The following CACNA2D3 variants were observed in gnomAD, a reference collection of about 807,000 sequenced individuals.
CACNA2D3 encodes the protein voltage-dependent calcium channel subunit alpha-2/delta-3.
In CACNA2D3, 60 loss-of-function variants were observed where a neutral mutation model predicts 160.6. That is an observed-to-expected ratio of 0.37 (90% confidence interval 0.30 to 0.46). The LOEUF (loss-of-function observed/expected upper bound fraction) is 0.46, where lower values mean the gene tolerates loss of function less well. Among genes scored for constraint, CACNA2D3 ranks in the 20% least tolerant of loss-of-function variants. The pLI, the probability that CACNA2D3 is intolerant of heterozygous loss-of-function variation, is 1.00. For missense variants in CACNA2D3, 1,205 were observed against 1,365.0 expected (o/e 0.88, Z 1.85); for synonymous variants, 558 against 492.9 (o/e 1.13, Z -1.75).
chr3:54,321,922 CAAAAA>C (rs1214395409), intron 3 of CACNA2D3, among the ~76,000 whole-genome samples: 10 of 100,688 alleles, frequency 9.9e-5, no homozygotes, highest in Non-Finnish European at 1.8e-4. Context: ...GAAATCCTTG[CAAAAA>C]AAAAAAAAAA....
chr3:54,786,906 C>T (rs1372388658), intron 13 of CACNA2D3, among the ~76,000 whole-genome samples: 2 of 152,150 alleles, frequency 1.3e-5, no homozygotes, highest in South Asian at 2.1e-4. Context: ...GTGAATGAGT[C>T]CATGAATGTA....
chr3:54,575,091 T>C (rs1702559718), intron 8 of CACNA2D3, among the ~76,000 whole-genome samples: 1 of 152,252 alleles, frequency 6.6e-6, no homozygotes, highest in Non-Finnish European at 1.5e-5. Context: ...AAGATGCTTT[T>C]GTAATGCAAA....
At chr3:54,881,333 TTG>T (rs1699791206) in intron 21 of CACNA2D3, among the ~76,000 whole-genome samples, 1 of 152,156 alleles carries the variant, frequency 6.6e-6, no homozygotes, top group South Asian at 2.1e-4. Context: ...CGTATTTCAC[TTG>T]TGTTTCATGG....
At chr3:54,208,684 G>T (rs1317960610) in intron 2 of CACNA2D3, among the ~76,000 whole-genome samples, 1 of 152,020 alleles carries the variant, frequency 6.6e-6, no homozygotes, top group Non-Finnish European at 1.5e-5. Context: ...ATCCAGTTCT[G>T]GTCTATATGG....
chr3:54,982,528 A>G (rs557534216), intron 29 of CACNA2D3, among the ~76,000 whole-genome samples: 89 of 152,194 alleles, frequency 5.8e-4, no homozygotes, highest in African/African-American at 2.1e-3. Context: ...GGGATTCACC[A>G]GAAAGATGTT....
At chr3:54,301,753 A>G (rs1222533922) in intron 2 of CACNA2D3, among the ~76,000 whole-genome samples, 2 of 152,088 alleles carry the variant, frequency 1.3e-5, no homozygotes. Flanking sequence ...CACACATAAC[A>G]AACACTTGTC....
At chr3:54,489,574 G>A (rs1444392833) in intron 4 of CACNA2D3, among the ~76,000 whole-genome samples, 2 of 152,346 alleles carry the variant, frequency 1.3e-5, no homozygotes, top group East Asian at 1.9e-4. Flanking sequence ...TAATCTGGGT[G>A]GTTATAAACT....
chr3:54,849,845 C>A (rs988708505), intron 17 of CACNA2D3, among the ~76,000 whole-genome samples: 1 of 152,182 alleles, frequency 6.6e-6, no homozygotes, highest in Non-Finnish European at 1.5e-5. Flanking sequence ...GTTTCGGCCC[C>A]TACAGCCAGA....
At chr3:54,405,126 G>A (rs199843560) in intron 4 of CACNA2D3, among the ~76,000 whole-genome samples, 1 of 132,416 alleles carries the variant, frequency 7.6e-6, no homozygotes, top group Non-Finnish European at 1.6e-5. Flanking sequence ...ATACTGTACT[G>A]TACTATACTA....
At chr3:54,558,452 T>G (rs1575344852) in intron 5 of CACNA2D3, among the ~76,000 whole-genome samples, 1 of 152,054 alleles carries the variant, frequency 6.6e-6, no homozygotes, top group Admixed American at 6.6e-5. Context: ...GTTCAGGAGG[T>G]ACATGTGCAG....
intron 11 of CACNA2D3, among the ~76,000 whole-genome samples, chr3:54,674,348 G>C (rs1700204737): frequency 1.9e-5 from 1 of 53,350 alleles, no homozygotes; most frequent in Non-Finnish European, 3.5e-5. Flanking sequence ...AAAGAGGGGA[G>C]GGTGTTGGAA....
chr3:54,321,936 A>C lies in CACNA2D3; in HGVS notation c.321+1378A>C, dbSNP rs575433268. Among the ~76,000 whole-genome samples, 422 of 152,152 alleles carry C rather than the reference A, an allele frequency of 2.8e-3. 4 individuals carry two copies. Among genetic ancestry groups the C allele is most frequent in the African/African-American group, 9.2e-3 (384 of 41,530 alleles). On this transcript the variant is annotated intron_variant, in intron 3 of 37. Coordinates refer to ENST00000474759, the MANE Select transcript of CACNA2D3 (RefSeq NM_018398.3). ...TGAAATCCTTGCAAAAAAAAAAAAA[A>C]AAAAAACTAGTAACAGCATTGTCAA...
At chr3:54,934,232 T>A (rs921770471) in intron 27 of CACNA2D3, among the ~76,000 whole-genome samples, 1 of 152,232 alleles carries the variant, frequency 6.6e-6, no homozygotes, top group Non-Finnish European at 1.5e-5. Flanking sequence ...TTTTATGCCC[T>A]AAGGTCATTT....
chr3:54,987,665 A>T lies in CACNA2D3; in HGVS notation c.2620-18A>T. On this transcript the variant is annotated intron_variant, in intron 30 of 37. Transcript: ENST00000474759. ...ACATTATTTATCTACACCTCCTCATATGTCTTCTTCCCCATAGACTGGAGA... is the reference window on the plus strand; with the variant it reads ...ACATTATTTATCTACACCTCCTCATTTGTCTTCTTCCCCATAGACTGGAGA... 1 of 1,560,568 alleles carries T rather than the reference A, an allele frequency of 6.4e-7. No individual in the cohort carries two copies. Among genetic ancestry groups the T allele is most frequent in the South Asian group, 1.2e-5 (1 of 85,864 alleles).
rs558408233 is a variant in CACNA2D3, at chr3:54,180,163, G to GT, written c.204+56570dup. Among the ~76,000 whole-genome samples the GT allele has an allele frequency of 2.0e-4, 30 of 146,832 alleles. No individual in the cohort carries two copies. The South Asian group carries it at 6.6e-3, about 32-fold the overall frequency. The stretch of plus-strand genomic sequence containing the variant: ...AGGAAAATCTTCCAGAAATGTGAGT[G>GT]TAACATGATGAATGACCTTAGCTTG... On this transcript the variant is annotated intron_variant, in intron 2 of 37. Transcript: ENST00000474759.
chr3:54,434,340 G>A (rs887411744), intron 4 of CACNA2D3, among the ~76,000 whole-genome samples: 1 of 152,130 alleles, frequency 6.6e-6, no homozygotes, highest in Non-Finnish European at 1.5e-5. Flanking sequence ...CTCCTATGCC[G>A]ATGAGGAGCT....
chr3:54,467,628 A>G (rs1700652193), intron 4 of CACNA2D3, among the ~76,000 whole-genome samples: 1 of 152,210 alleles, frequency 6.6e-6, no homozygotes. Flanking sequence ...AGCCAGGCAC[A>G]TAAGGAAAAA....
chr3:54,908,771 T>A (rs1260580304), intron 27 of CACNA2D3, among the ~76,000 whole-genome samples: 3 of 152,162 alleles, frequency 2.0e-5, no homozygotes, highest in Admixed American at 1.3e-4. Context: ...CCTGTTTTTG[T>A]AGAAAAAGTT....
At chr3:54,796,822 A>G (rs924841949) in intron 13 of CACNA2D3, among the ~76,000 whole-genome samples, 3 of 152,152 alleles carry the variant, frequency 2.0e-5, no homozygotes, top group Non-Finnish European at 4.4e-5. Context: ...TACGTTTTTC[A>G]TAGGAGTAAG....
Sources: allele counts gnomAD v4.1 joint callset (sites outside exome capture counted in the v4.1 genomes callset), GRCh38; gene constraint gnomAD v4.1.1; transcripts MANE v1.5; gene names NCBI Gene and HGNC (gene_info 2026-07-23, HGNC 2026-07-21).